The following ARMC2 variants were observed in gnomAD, a reference collection of about 807,000 sequenced individuals.
ARMC2 encodes the protein armadillo repeat containing 2.
ARMC2 carries 67 observed loss-of-function variants against 90.3 expected under a neutral mutation model. That is an observed-to-expected ratio of 0.74 (90% CI 0.61 to 0.91). The LOEUF is 0.91. Among genes scored for constraint, ARMC2 ranks in the 40% least tolerant of loss-of-function variants. The pLI is 0.00. For missense variants in ARMC2, 920 were observed against 1,030.9 expected, an observed-to-expected ratio of 0.89 and a Z score of 1.47; for synonymous variants, 393 against 393.0, an observed-to-expected ratio of 1.00 and a Z score of 0.00.
intron 7 of ARMC2, among the ~76,000 whole-genome samples, chr6:108,900,845 G>A (rs148959229): frequency 2.7e-4 from 41 of 152,234 alleles, no homozygotes; most frequent in African/African-American, 8.9e-4. Context: ...AAAGGCTTCT[G>A]CAGCCCAAAG....
chr6:108,887,408 A>G (rs952358755), intron 5 of ARMC2, among the ~76,000 whole-genome samples: 1 of 152,130 alleles, frequency 6.6e-6, no homozygotes, highest in Non-Finnish European at 1.5e-5. Flanking sequence ...TGATTGCAAG[A>G]GAAGACTTTG....
chr6:108,868,525 A>G (rs981319880), intron 3 of ARMC2, among the ~76,000 whole-genome samples: 2 of 152,170 alleles, frequency 1.3e-5, no homozygotes, highest in Non-Finnish European at 2.9e-5. Context: ...CCAATTTTGT[A>G]GTCTTTTATA....
chr6:108,988,706 A>C, the ARMC2 span: 1 of 1,571,452 alleles, frequency 6.4e-7, no homozygotes, highest in Non-Finnish European at 8.7e-7. Flanking sequence ...AGACATAATG[A>C]GAATTATGAT....
At chr6:108,923,604 C>T (rs1295790047) in intron 10 of ARMC2, among the ~76,000 whole-genome samples, 3 of 147,404 alleles carry the variant, frequency 2.0e-5, no homozygotes, top group African/African-American at 7.5e-5. Flanking sequence ...TAGCTAGACT[C>T]TCCTCCCCAC....
chr6:109,014,602 T>G, the ARMC2 span, among the ~76,000 whole-genome samples: 3 of 152,224 alleles, frequency 2.0e-5, no homozygotes, highest in Admixed American at 2.0e-4. Context: ...TCTCCCTTGC[T>G]TTTACTCAGG....
At chr6:108,936,101 GC>G (rs1775935236) in intron 11 of ARMC2, among the ~76,000 whole-genome samples, 1 of 152,116 alleles carries the variant, frequency 6.6e-6, no homozygotes, top group African/African-American at 2.4e-5. Context: ...TTGTTTGCTT[GC>G]TTGCTTACTT....
At chr6:108,902,669 A>G (rs1196258925) in intron 7 of ARMC2, among the ~76,000 whole-genome samples, 1 of 152,188 alleles carries the variant, frequency 6.6e-6, no homozygotes, top group Non-Finnish European at 1.5e-5. Context: ...GAAAAGAGCT[A>G]AAAATGGCCT....
chr6:108,863,940 G>A (rs749740437), intron 3 of ARMC2, among the ~76,000 whole-genome samples: 2 of 152,198 alleles, frequency 1.3e-5, no homozygotes, highest in Non-Finnish European at 2.9e-5. Flanking sequence ...GCGTGGATTA[G>A]TTTGAGCCAC....
the ARMC2 span, among the ~76,000 whole-genome samples, chr6:109,046,757 T>C: frequency 8.4e-3 from 935 of 110,854 alleles, 7 homozygotes; most frequent in African/African-American, 0.019. Flanking sequence ...TTGTGAGGAG[T>C]GCCTCTGCCC....
chr6:109,038,404 A>C, the ARMC2 span, among the ~76,000 whole-genome samples: 1 of 152,228 alleles, frequency 6.6e-6, no homozygotes, highest in African/African-American at 2.4e-5. Context: ...AGGCAGGAGA[A>C]TTGCTTGAAC....
At chr6:109,035,759 C>A in the ARMC2 span, among the ~76,000 whole-genome samples, 2 of 152,112 alleles carry the variant, frequency 1.3e-5, no homozygotes, top group African/African-American at 2.4e-5. Flanking sequence ...TGCCACCACA[C>A]CCAGCTAATT....
intron 13 of ARMC2, among the ~76,000 whole-genome samples, chr6:108,958,035 C>G (rs1014717719): frequency 6.6e-6 from 1 of 152,120 alleles, no homozygotes; most frequent in Non-Finnish European, 1.5e-5. Context: ...TTCTCTAAAC[C>G]TCAGTGTTCT....
the ARMC2 span, among the ~76,000 whole-genome samples, chr6:108,989,496 T>C: frequency 6.9e-6 from 1 of 145,672 alleles, no homozygotes; most frequent in African/African-American, 2.5e-5. Context: ...TCTCTAGATC[T>C]AGAGATATCT....
At chr6:108,960,073 C>T (rs1238276215) in intron 13 of ARMC2, among the ~76,000 whole-genome samples, 1 of 152,292 alleles carries the variant, frequency 6.6e-6, no homozygotes, top group South Asian at 2.1e-4. Context: ...ACTGTCTACC[C>T]CTCCTCTCCT....
chr6:109,007,566 A>G, the ARMC2 span, among the ~76,000 whole-genome samples: 3 of 152,172 alleles, frequency 2.0e-5, no homozygotes, highest in African/African-American at 7.2e-5. Flanking sequence ...CAAGGTAAAG[A>G]TATGTTATAT....
At chr6:108,999,254 CTTCTA>C in the ARMC2 span, 7 of 152,544 alleles carry the variant, frequency 4.6e-5, 1 homozygote, top group African/African-American at 1.4e-4. Flanking sequence ...TTCTATAATT[CTTCTA>C]TTCAATTCTG....
chr6:109,000,385 T>C, the ARMC2 span: 3 of 793,558 alleles, frequency 3.8e-6, no homozygotes, highest in South Asian at 3.4e-5. Context: ...ATTCAGGGGG[T>C]AGAAAATAGG....
chr6:108,990,923 T>C, the ARMC2 span: 1 of 1,178,732 alleles, frequency 8.5e-7, no homozygotes, highest in Non-Finnish European at 1.2e-6. Flanking sequence ...AAAATCATTG[T>C]CATTTGGCTG....
chr6:108,981,600 A>G, the ARMC2 span, among the ~76,000 whole-genome samples: 2 of 151,454 alleles, frequency 1.3e-5, no homozygotes, highest in Non-Finnish European at 2.9e-5. Context: ...GGTTTATTTC[A>G]CTTAGCATAA....
Sources: allele counts gnomAD v4.1 joint callset (sites outside exome capture counted in the v4.1 genomes callset), GRCh38; gene constraint gnomAD v4.1.1; transcripts MANE v1.5; gene names NCBI Gene and HGNC (gene_info 2026-07-23, HGNC 2026-07-21).